The following NPTN variants were observed in gnomAD, a reference collection of about 807,000 sequenced individuals.
NPTN encodes SDR-1.
In NPTN, 5 loss-of-function variants were observed where a neutral mutation model predicts 42.7. That is an observed-to-expected ratio of 0.12 (90% CI 0.06 to 0.25). NPTN has a LOEUF of 0.25. Ranked by LOEUF, NPTN falls within the 10% of genes least tolerant of loss-of-function variation. The pLI, the probability that NPTN is intolerant of heterozygous loss-of-function variation, is 1.00. For missense variants in NPTN, 307 were observed against 525.4 expected (o/e 0.58, Z 4.06); for synonymous variants, 180 against 201.9 (o/e 0.89, Z 0.92).
At chr15:73,563,337 T>TA (rs1222146938) in intron 6 of NPTN, 80 bp from the exon 7 acceptor site, 5 of 1,588,002 alleles carry the variant, frequency 3.1e-6, no homozygotes, top group Non-Finnish European at 3.4e-6. Context: ...GCATAAGGAT[T>TA]AACAGAATAG....
chr15:73,605,856 C>T (rs373905627), intron 1 of NPTN, among the ~76,000 whole-genome samples: 8 of 152,116 alleles, frequency 5.3e-5, no homozygotes, highest in African/African-American at 1.7e-4. Context: ...AATATCCTCA[C>T]ATGGACTCTT....
chr15:73,583,805 G>A (rs1161825285), intron 4 of NPTN, among the ~76,000 whole-genome samples: 1 of 152,220 alleles, frequency 6.6e-6, no homozygotes, highest in African/African-American at 2.4e-5. Flanking sequence ...GACTGTCAGT[G>A]AAGAAAGGAC....
chr15:73,615,746 T>A (rs914894691), intron 1 of NPTN, among the ~76,000 whole-genome samples: 3 of 152,160 alleles, frequency 2.0e-5, no homozygotes, highest in Non-Finnish European at 4.4e-5. Flanking sequence ...AAAGACCGAT[T>A]TTTAAAAGCT....
intron 5 of NPTN, among the ~76,000 whole-genome samples, chr15:73,572,317 C>T (rs1895445926): frequency 6.6e-6 from 1 of 152,076 alleles, no homozygotes; most frequent in Admixed American, 6.6e-5. Context: ...CAAAGAGGAT[C>T]CATGGGATCA....
At chr15:73,627,359 G>T (rs1300385076) in intron 1 of NPTN, among the ~76,000 whole-genome samples, 1 of 152,182 alleles carries the variant, frequency 6.6e-6, no homozygotes, top group Admixed American at 6.5e-5. Context: ...AAATGCAAGA[G>T]AATACCATTT....
chr15:73,608,191 G>A (rs1278769660), intron 1 of NPTN, among the ~76,000 whole-genome samples: 1 of 152,126 alleles, frequency 6.6e-6, no homozygotes, highest in African/African-American at 2.4e-5. Flanking sequence ...ATTTATTGAG[G>A]TCCTGTTTAC....
chr15:73,585,181 G>A (rs1896255594), intron 4 of NPTN, among the ~76,000 whole-genome samples: 1 of 152,172 alleles, frequency 6.6e-6, no homozygotes, highest in Non-Finnish European at 1.5e-5. Flanking sequence ...CTGTTGTGCT[G>A]ATTCAGTTAA....
At position 73,569,090 on chromosome 15, in the gene NPTN, C is replaced by G. The variant is rs1208353714; in HGVS notation, c.1114+1060G>C. On this transcript the variant is annotated intron_variant, in intron 6 of 8. Transcript: ENST00000345330. This position sits in a 1 kb window ranked among gnomAD's most constrained non-coding sequence, Gnocchi z 4.1. Reference sequence around the variant, plus strand: ...GAACAGCTGGACTACAGCTGGCAACCCCACCATCACCCCGGGTAGGCTACC... The same window carrying G: ...GAACAGCTGGACTACAGCTGGCAACGCCACCATCACCCCGGGTAGGCTACC... 5.1e-6 allele frequency: 5 copies of G among 985,716 alleles called. No homozygotes were observed. In the East Asian group the frequency reaches 5.7e-4, roughly 111 times the overall value. 61.1% of individuals were successfully genotyped at this position (985,716 alleles called of 1,614,324 possible). A position where few individuals can be genotyped will look rare whatever the true frequency, so the allele number is the denominator to read the frequency against.
chr15:73,569,459 G>C lies in NPTN; in HGVS notation c.1114+691C>G. 1 of 985,402 alleles carries C rather than the reference G, an allele frequency of 1.0e-6. No homozygotes were observed. The highest frequency in any genetic ancestry group is 1.2e-6 in the Non-Finnish European group (1 of 829,926). The allele number at this position is 985,402 out of a possible 1,614,324, so 61.0% of individuals were successfully genotyped here. ...AGGCCAGCTTGAGGGCACAGCCTCG[G>C]GGCATGGACTCCATTTGTTCCGCCT... is the stretch of plus-strand genomic sequence containing the variant. On this transcript the variant is annotated intron_variant, in intron 6 of 8. Coordinates refer to ENST00000345330, the MANE Select transcript of NPTN (RefSeq NM_012428.4). This position sits in a 1 kb window ranked among gnomAD's most constrained non-coding sequence, Gnocchi z 4.1.
At chr15:73,601,680 A>G (rs1595941024) in intron 1 of NPTN, among the ~76,000 whole-genome samples, 1 of 152,242 alleles carries the variant, frequency 6.6e-6, no homozygotes, top group South Asian at 2.1e-4. Flanking sequence ...ACAACCTCCT[A>G]CCCCACCCTC....
chr15:73,567,492 T>C, intron 6 of NPTN: 22 of 985,370 alleles, frequency 2.2e-5, no homozygotes, highest in Non-Finnish European at 2.4e-5. Context: ...ATATGAAAAT[T>C]TGGGGAGAAG....
intron 4 of NPTN, among the ~76,000 whole-genome samples, chr15:73,581,017 G>T (rs1023881864): frequency 2.0e-5 from 3 of 152,126 alleles, no homozygotes; most frequent in Non-Finnish European, 2.9e-5. Context: ...AACATGGTTG[G>T]AACTCAGGGC....
chr15:73,560,517 C>T lies in NPTN; in HGVS notation c.*546G>A, dbSNP rs1894599086. ...TACTCATCTTTATGTACCAGAACTG[C>T]ACAATTTCCTCATCTGACAACATAC... is the stretch of plus-strand genomic sequence containing the variant. On this transcript the variant is annotated 3_prime_UTR_variant, in exon 9 of 9. Transcript: ENST00000345330. The T allele has an allele frequency of 6.6e-6, 1 of 152,210 alleles. No homozygotes were observed. The highest frequency in any genetic ancestry group is 2.1e-4 in the South Asian group (1 of 4,820). 9.4% of individuals were successfully genotyped at this position (152,210 alleles called of 1,614,324 possible). A position where few individuals can be genotyped will look rare whatever the true frequency, so the allele number is the denominator to read the frequency against.
chr15:73,580,506 T>C (rs1895970705), intron 4 of NPTN, among the ~76,000 whole-genome samples: 1 of 131,440 alleles, frequency 7.6e-6, no homozygotes, highest in Admixed American at 8.0e-5. Context: ...TAAATATATA[T>C]ATTATATATA....
rs978413826 is a variant in NPTN, at chr15:73,570,501, G to A, written c.841-78C>T. 16 of 1,341,934 alleles carry A rather than the reference G, an allele frequency of 1.2e-5. No individual in the cohort carries two copies. The highest frequency in any genetic ancestry group is 2.9e-5 in the African/African-American group (2 of 68,632). The allele number at this position is 1,341,934 out of a possible 1,614,324, so 83.1% of individuals were successfully genotyped here. Reference sequence around the variant, plus strand: ...TCAAGAGAGGGTGACACTGCTCTCCGTTCTTTTTAGGCACCAGCCAGAATG... The same window carrying A: ...TCAAGAGAGGGTGACACTGCTCTCCATTCTTTTTAGGCACCAGCCAGAATG... On this transcript the variant is annotated intron_variant, in intron 5 of 8. Coordinates refer to ENST00000345330, the MANE Select transcript of NPTN (RefSeq NM_012428.4). The surrounding 1 kb of genome is among the most constrained non-coding windows in gnomAD (Gnocchi z 4.0).
intron 1 of NPTN, among the ~76,000 whole-genome samples, chr15:73,620,995 TG>T (rs1283356092): frequency 6.6e-6 from 1 of 152,234 alleles, no homozygotes; most frequent in Non-Finnish European, 1.5e-5. Context: ...GACATCAGAT[TG>T]TTTTTTCTTC....
At chr15:73,589,357 T>C (rs929498343) in intron 3 of NPTN, among the ~76,000 whole-genome samples, 9 of 151,440 alleles carry the variant, frequency 5.9e-5, no homozygotes, top group African/African-American at 2.2e-4. Context: ...AAAGAAAAAG[T>C]AGTATATATG....
intron 1 of NPTN, among the ~76,000 whole-genome samples, chr15:73,631,043 C>T (rs1595981682): frequency 6.6e-6 from 1 of 152,206 alleles, no homozygotes; most frequent in Non-Finnish European, 1.5e-5. Context: ...CCGTTCTATG[C>T]TGTATTTAGA....
intron 2 of NPTN, 128 bp downstream of exon 2, chr15:73,596,893 GA>G: frequency 5.5e-5 from 41 of 750,732 alleles, no homozygotes; most frequent in Non-Finnish European, 7.9e-5. Context: ...TCATGGGATT[GA>G]AAAAAAAACG....
Sources: gnomAD v4.1 joint callset for allele counts (sites outside exome capture counted in the v4.1 genomes callset) on GRCh38, gnomAD v4.1.1 for gene constraint, Gnocchi (gnomAD v3.1) non-coding constraint, MANE v1.5 for transcripts, NCBI Gene and HGNC (gene_info 2026-07-23, HGNC 2026-07-21) for gene names.